SMYD3: variants seen among roughly 807,000 people sequenced by gnomAD.
The protein encoded by SMYD3 is histone-lysine N-methyltransferase SMYD3.
A neutral mutation model predicts 57.7 loss-of-function variants in SMYD3; 36 were observed. The observed-to-expected ratio is 0.62, with a 90% confidence interval of 0.48 to 0.82. SMYD3 has a LOEUF of 0.82. Among genes scored for constraint, SMYD3 ranks in the 40% least tolerant of loss-of-function variants. The pLI, the probability that SMYD3 is intolerant of heterozygous loss-of-function variation, is 0.00. For synonymous variants in SMYD3, 211 were observed against 195.0 expected (o/e 1.08, Z -0.68); for missense variants, 515 against 538.8 (o/e 0.96, Z 0.44).
Position 246,292,360 on chromosome 1 carries a change from AACACACCAGCATCTTAGACTTACTATCCT to A in SMYD3, c.531+34812_531+34840del, listed in dbSNP as rs1199498972. On this transcript the variant is annotated intron_variant, in intron 5 of 11. Coordinates refer to ENST00000490107, the MANE Select transcript of SMYD3 (RefSeq NM_001167740.2). Reference sequence around the variant, plus strand: ...CACCAGTACATTAGACTTACTATCCAACACACCAGCATCTTAGACTTACTATCCTACACACCAGCATCTTAGACTTACTA... The same window carrying A: ...CACCAGTACATTAGACTTACTATCCAACACACCAGCATCTTAGACTTACTA... 2.0e-4 allele frequency among the ~76,000 whole-genome samples: 31 copies of A among 151,820 alleles called. No individual in the cohort carries two copies. In the East Asian group the frequency reaches 3.5e-3, roughly 17 times the overall value.
At chr1:246,438,064 A>G (rs1384126724) in intron 1 of SMYD3, among the ~76,000 whole-genome samples, 7 of 122,938 alleles carry the variant, frequency 5.7e-5, no homozygotes, top group African/African-American at 5.1e-5. Flanking sequence ...AAGATCAAAT[A>G]GAGGGGGGAA....
chr1:245,777,276 G>A (rs894917759), intron 10 of SMYD3, among the ~76,000 whole-genome samples: 2 of 152,172 alleles, frequency 1.3e-5, no homozygotes, highest in East Asian at 1.9e-4. Flanking sequence ...GCAGACTCTG[G>A]TAATGATGGT....
chr1:246,462,659 GA>G (rs1411589976), intron 1 of SMYD3, among the ~76,000 whole-genome samples: 4 of 152,156 alleles, frequency 2.6e-5, no homozygotes, highest in African/African-American at 7.2e-5. Context: ...AGAAGGGTCA[GA>G]ACTGGAGGGC....
At chr1:246,218,784 T>C (rs1178433028) in intron 5 of SMYD3, among the ~76,000 whole-genome samples, 1 of 152,174 alleles carries the variant, frequency 6.6e-6, no homozygotes, top group Non-Finnish European at 1.5e-5. Flanking sequence ...CACGGGTATC[T>C]TAGCCAAAAG....
intron 10 of SMYD3, among the ~76,000 whole-genome samples, chr1:245,777,217 T>C (rs2046640458): frequency 6.6e-6 from 1 of 152,124 alleles, no homozygotes; most frequent in African/African-American, 2.4e-5. Context: ...TCAGGCACTG[T>C]CCTAAGGACT....
chr1:246,458,323 GA>G (rs2067735474), intron 1 of SMYD3, among the ~76,000 whole-genome samples: 1 of 151,858 alleles, frequency 6.6e-6, no homozygotes, highest in African/African-American at 2.4e-5. Flanking sequence ...AAGACAAGCA[GA>G]GTTGGAAAAA....
In SMYD3 at chr1:246,084,528, A is replaced by G. The variant is rs113977637; in HGVS notation, c.532-154591T>C. 2.8e-4 allele frequency among the ~76,000 whole-genome samples: 42 copies of G among 152,130 alleles called. 1 individual carries two copies. Among genetic ancestry groups the G allele is most frequent in the African/African-American group, 9.9e-4 (41 of 41,518 alleles). ...CCCAGCCCAATTTACTGATCTTACA[A>G]TCTTATTCTAGCATTCTATCAGTGC... is the stretch of plus-strand genomic sequence containing the variant. On this transcript the variant is annotated intron_variant, in intron 5 of 11. Coordinates refer to ENST00000490107, the MANE Select transcript of SMYD3 (RefSeq NM_001167740.2).
Position 245,926,884 on chromosome 1 carries a change from A to G in SMYD3, c.702+1047T>C, listed in dbSNP as rs80165848. On this transcript the variant is annotated intron_variant, in intron 7 of 11. Transcript: ENST00000490107. ...CCAGAAAAAAAAGAGAAAAAACTAC[A>G]TTGTCCATCTCACTGACATCTATCC... Among the ~76,000 whole-genome samples, 31 of 152,306 alleles carry G rather than the reference A, an allele frequency of 2.0e-4. No individual in the cohort carries two copies. The East Asian group carries it at 5.4e-3, about 27-fold the overall frequency.
intron 5 of SMYD3, among the ~76,000 whole-genome samples, chr1:246,317,991 G>C (rs1412826925): frequency 6.6e-6 from 1 of 152,152 alleles, no homozygotes; most frequent in Non-Finnish European, 1.5e-5. Flanking sequence ...ATGAGTCAGA[G>C]CTATCAAGTA....
intron 5 of SMYD3, among the ~76,000 whole-genome samples, chr1:246,168,241 A>G (rs2062256332): frequency 6.6e-6 from 1 of 152,236 alleles, no homozygotes; most frequent in Non-Finnish European, 1.5e-5. Context: ...AAAGCCAATA[A>G]AAGTATGCAC....
At chr1:246,046,772 T>TA (rs1464646992) in intron 5 of SMYD3, among the ~76,000 whole-genome samples, 6 of 150,952 alleles carry the variant, frequency 4.0e-5, no homozygotes, top group African/African-American at 1.2e-4. Flanking sequence ...CCAACTTTAA[T>TA]AAAAAATCCA....
intron 1 of SMYD3, among the ~76,000 whole-genome samples, chr1:246,405,954 C>G (rs2066859062): frequency 6.6e-6 from 1 of 151,632 alleles, no homozygotes; most frequent in African/African-American, 2.4e-5. Flanking sequence ...AGAATGGACT[C>G]TAGAATTAGA....
chr1:245,822,158 C>T (rs9787348), intron 10 of SMYD3, among the ~76,000 whole-genome samples: 24,180 of 151,980 alleles, frequency 0.16, 2,163 homozygotes, highest in East Asian at 0.26. Flanking sequence ...AAATGTCCAA[C>T]AATGATAGAT....
At chr1:245,886,149 T>G (rs1342762411) in intron 8 of SMYD3, among the ~76,000 whole-genome samples, 1 of 152,206 alleles carries the variant, frequency 6.6e-6, no homozygotes, top group East Asian at 1.9e-4. Flanking sequence ...ATGAGTAAAT[T>G]TATTACATAA....
rs573133408 is a variant in SMYD3 at position 245,877,140 on chromosome 1, G to A, written c.814-13254C>T. Among the ~76,000 whole-genome samples, 6 of 152,312 alleles carry A rather than the reference G, an allele frequency of 3.9e-5. No homozygotes were observed. In the South Asian group the frequency reaches 1.0e-3, roughly 26 times the overall value. Reference sequence around the variant, plus strand: ...GTTCACTCATGCATGGCAGGGCGGCGCTGCGGAGACGGGGCAGCTCCCCGG... The same window carrying A: ...GTTCACTCATGCATGGCAGGGCGGCACTGCGGAGACGGGGCAGCTCCCCGG... On this transcript the variant is annotated intron_variant, in intron 8 of 11. Coordinates refer to ENST00000490107, the MANE Select transcript of SMYD3 (RefSeq NM_001167740.2).
intron 1 of SMYD3, among the ~76,000 whole-genome samples, chr1:246,374,381 C>T (rs6674691): frequency 0.19 from 28,194 of 152,116 alleles, 2,894 homozygotes; most frequent in East Asian, 0.42. Flanking sequence ...AAATGTGTGT[C>T]GCCCAATATG....
chr1:245,957,621 T>C (rs1158814876), intron 5 of SMYD3, among the ~76,000 whole-genome samples: 2 of 144,008 alleles, frequency 1.4e-5, no homozygotes, highest in Non-Finnish European at 3.0e-5. Context: ...TCAGGATATA[T>C]TGTGTCTATA....
intron 8 of SMYD3, among the ~76,000 whole-genome samples, chr1:245,880,623 CA>C (rs1479867037): frequency 1.3e-5 from 2 of 152,214 alleles, no homozygotes; most frequent in African/African-American, 4.8e-5. Flanking sequence ...GACAAGACTG[CA>C]GCTGAGAAAG....
chr1:246,469,699 A>C (rs115517106), intron 1 of SMYD3, among the ~76,000 whole-genome samples: 205 of 152,334 alleles, frequency 1.3e-3, no homozygotes, highest in African/African-American at 4.5e-3. Flanking sequence ...GAAGAAAATA[A>C]AGACATAAAT....
Sources: gnomAD v4.1 joint callset for allele counts (sites outside exome capture counted in the v4.1 genomes callset) on GRCh38, gnomAD v4.1.1 for gene constraint, MANE v1.5 for transcripts, NCBI Gene and HGNC (gene_info 2026-07-23, HGNC 2026-07-21) for gene names.